Variants in CDC42BPA observed in about 807,000 individuals in gnomAD.
The protein encoded by CDC42BPA is serine/threonine-protein kinase MRCK alpha.
A neutral mutation model predicts 223.5 loss-of-function variants in CDC42BPA; 80 were observed. The ratio of observed to expected loss-of-function variants is 0.36; its 90% confidence interval spans 0.30 to 0.43. The LOEUF (loss-of-function observed/expected upper bound fraction) is 0.43, where lower values mean the gene tolerates loss of function less well. Ranked by LOEUF, CDC42BPA falls within the 20% of genes least tolerant of loss-of-function variation. The pLI is 1.00. For synonymous variants in CDC42BPA, 694 were observed against 718.6 expected (o/e 0.97, Z 0.55); for missense variants, 1,743 against 2,099.9 (o/e 0.83, Z 3.32).
intron 14 of CDC42BPA, among the ~76,000 whole-genome samples, chr1:227,109,374 CT>C (rs34507557): frequency 2.0e-5 from 3 of 151,276 alleles, no homozygotes; most frequent in Non-Finnish European, 4.4e-5. Flanking sequence ...AAAAATGTAT[CT>C]TTTTTTTTGA....
intron 30 of CDC42BPA, among the ~76,000 whole-genome samples, 181 bp downstream of exon 30, chr1:227,028,476 T>C (rs927173827): frequency 6.6e-6 from 1 of 152,240 alleles, no homozygotes; most frequent in Non-Finnish European, 1.5e-5. Flanking sequence ...CTGGCCCTGT[T>C]TGCCCAGGCC....
chr1:227,213,296 C>G, intron 2 of CDC42BPA, 77 bp from the exon 3 acceptor site: 1 of 703,540 alleles, frequency 1.4e-6, no homozygotes, highest in Non-Finnish European at 2.4e-6. Context: ...CCTTTTTCCT[C>G]TGTAAAAAAA....
intron 1 of CDC42BPA, among the ~76,000 whole-genome samples, chr1:227,308,851 G>C (rs753041296): frequency 1.7e-4 from 26 of 152,094 alleles, no homozygotes; most frequent in Non-Finnish European, 3.4e-4. Flanking sequence ...AAATTAAACA[G>C]AAGGTGTTTT....
intron 1 of CDC42BPA, among the ~76,000 whole-genome samples, chr1:227,308,096 A>AATGT (rs1489158885): frequency 6.6e-6 from 1 of 152,230 alleles, no homozygotes; most frequent in Admixed American, 6.5e-5. Context: ...GTAAGATACA[A>AATGT]ATGTATGTTA....
intron 2 of CDC42BPA, among the ~76,000 whole-genome samples, chr1:227,224,978 G>A (rs1334410470): frequency 6.6e-6 from 1 of 151,552 alleles, no homozygotes; most frequent in African/African-American, 2.4e-5. Context: ...GCTAACAGAG[G>A]GAAAAAAAAT....
chr1:227,247,898 C>T (rs1239552784), intron 2 of CDC42BPA, among the ~76,000 whole-genome samples: 1 of 151,864 alleles, frequency 6.6e-6, no homozygotes, highest in Non-Finnish European at 1.5e-5. Context: ...AATAAATAAA[C>T]AAACAATAAT....
At chr1:226,999,030 A>G (rs1472887878) in intron 35 of CDC42BPA, among the ~76,000 whole-genome samples, 5 of 152,202 alleles carry the variant, frequency 3.3e-5, no homozygotes, top group Non-Finnish European at 7.3e-5. Flanking sequence ...GCGGCCAAGA[A>G]ACATACAAAA....
At position 227,139,195 on chromosome 1, in the gene CDC42BPA, G is replaced by T. The variant is rs188761145; in HGVS notation, c.1390+381C>A. 1.5e-3 allele frequency among the ~76,000 whole-genome samples: 235 copies of T among 152,168 alleles called. 2 individuals carry two copies. Among genetic ancestry groups the T allele is most frequent in the African/African-American group, 5.4e-3 (226 of 41,528 alleles). ...GTGCATTTTAAAATCACCAAATATGGCAGAAGCAATGCTGCAGAGAATGAC... is the reference window on the plus strand; with the variant it reads ...GTGCATTTTAAAATCACCAAATATGTCAGAAGCAATGCTGCAGAGAATGAC... On this transcript the variant is annotated intron_variant, in intron 10 of 36. Transcript: ENST00000366766.
At chr1:227,126,670 T>C (rs779077149) in intron 11 of CDC42BPA, among the ~76,000 whole-genome samples, 2 of 152,166 alleles carry the variant, frequency 1.3e-5, no homozygotes, top group Non-Finnish European at 2.9e-5. Flanking sequence ...ACAACAGGGA[T>C]GTATGGCTGG....
In CDC42BPA at chr1:227,100,984, AT is replaced by A; in HGVS notation, c.2249+7del. ...TATTTACTGTATAGTAAATAATGTG[AT>A]TCTTACCTTTCTCTTCTGGTTTTTT... On this transcript the variant is annotated splice_region_variant and intron_variant, in intron 15 of 36. Coordinates refer to ENST00000366766, the MANE Select transcript of CDC42BPA (RefSeq NM_001394014.1). The A allele has an allele frequency of 6.9e-7, 1 of 1,450,988 alleles. No individual in the cohort carries two copies. The highest frequency in any genetic ancestry group is 9.6e-7 in the Non-Finnish European group (1 of 1,042,566). 89.9% of individuals were successfully genotyped at this position (1,450,988 alleles called of 1,614,324 possible).
chr1:226,995,060 C>G, intron 35 of CDC42BPA, 80 bp from the exon 36 acceptor site: 2 of 1,320,822 alleles, frequency 1.5e-6, no homozygotes, highest in Non-Finnish European at 2.1e-6. Flanking sequence ...GCTGAGCTGA[C>G]AGGCCATCCT....
In CDC42BPA at chr1:227,253,186, A is replaced by G. The variant is rs567094182; in HGVS notation, c.270+878T>C. ...TTACCCAAATTCCTGGAAAAAAGAG[A>G]GAGAGAGAGGAGACAAGAGAAGAGA... On this transcript the variant is annotated intron_variant, in intron 2 of 36. Transcript: ENST00000366766. Among the ~76,000 whole-genome samples, 39 of 152,190 alleles carry G rather than the reference A, an allele frequency of 2.6e-4. 1 individual carries two copies. In the South Asian group the frequency reaches 4.8e-3, roughly 19 times the overall value.
intron 23 of CDC42BPA, among the ~76,000 whole-genome samples, chr1:227,047,406 C>T (rs1217348166): frequency 6.6e-6 from 1 of 152,058 alleles, no homozygotes; most frequent in East Asian, 1.9e-4. Flanking sequence ...CTCTCTCTCT[C>T]ATTTTGTGGT....
At chr1:227,150,288 A>C (rs913981314) in intron 6 of CDC42BPA, among the ~76,000 whole-genome samples, 4 of 152,018 alleles carry the variant, frequency 2.6e-5, no homozygotes, top group Non-Finnish European at 5.9e-5. Flanking sequence ...ACTCATGTCT[A>C]TACACATTGG....
intron 2 of CDC42BPA, among the ~76,000 whole-genome samples, chr1:227,240,554 TA>T (rs1265207885): frequency 6.6e-6 from 1 of 151,972 alleles, no homozygotes; most frequent in African/African-American, 2.4e-5. Context: ...GGTATTAGCA[TA>T]AAGGCAGACA....
At chr1:227,093,318 A>G (rs1432486338) in intron 15 of CDC42BPA, among the ~76,000 whole-genome samples, 1 of 152,236 alleles carries the variant, frequency 6.6e-6, no homozygotes, top group Non-Finnish European at 1.5e-5. Flanking sequence ...GTTGATCTGC[A>G]CAACACTGAC....
chr1:227,296,778 T>C (rs545230749), intron 1 of CDC42BPA, among the ~76,000 whole-genome samples: 1 of 142,748 alleles, frequency 7.0e-6, no homozygotes, highest in South Asian at 2.2e-4. Flanking sequence ...GATTTGGCAA[T>C]GGGTTCTTAA....
chr1:227,150,887 G>C (rs1346542038), intron 6 of CDC42BPA, among the ~76,000 whole-genome samples: 3 of 149,258 alleles, frequency 2.0e-5, no homozygotes, highest in Middle Eastern at 3.5e-3. Flanking sequence ...AAAAGAAGTT[G>C]GAAATTAAAC....
At chr1:227,300,714 T>G (rs1691482393) in intron 1 of CDC42BPA, among the ~76,000 whole-genome samples, 1 of 152,104 alleles carries the variant, frequency 6.6e-6, no homozygotes, top group African/African-American at 2.4e-5. Flanking sequence ...AACTATATAT[T>G]GGGTAAAATG....
Sources: allele counts gnomAD v4.1 joint callset (sites outside exome capture counted in the v4.1 genomes callset), GRCh38; gene constraint gnomAD v4.1.1; transcripts MANE v1.5; gene names NCBI Gene and HGNC (gene_info 2026-07-23, HGNC 2026-07-21).